LRRC4C: variants seen among roughly 807,000 people sequenced by gnomAD.
The protein encoded by LRRC4C is leucine rich repeat containing 4C, also known as leucine-rich repeat-containing protein 4C.
A neutral mutation model predicts 33.6 loss-of-function variants in LRRC4C; 5 were observed. That is an observed-to-expected ratio of 0.15 (90% CI 0.08 to 0.31). The LOEUF (loss-of-function observed/expected upper bound fraction) is 0.31, where lower values mean the gene tolerates loss of function less well. Among genes scored for constraint, LRRC4C ranks in the 10% least tolerant of loss-of-function variants. The pLI, the probability that LRRC4C is intolerant of heterozygous loss-of-function variation, is 1.00. For missense variants in LRRC4C, 560 were observed against 796.7 expected, an observed-to-expected ratio of 0.70 and a Z score of 3.58; for synonymous variants, 329 against 302.0, an observed-to-expected ratio of 1.09 and a Z score of -0.93.
intron 2 of LRRC4C, among the ~76,000 whole-genome samples, chr11:40,663,227 T>A (rs2136221734): frequency 6.6e-6 from 1 of 152,206 alleles, no homozygotes; most frequent in South Asian, 2.1e-4. Context: ...ATTACAGGCG[T>A]GCACCACCAT....
intron 1 of LRRC4C, among the ~76,000 whole-genome samples, chr11:41,364,131 C>T (rs967828800): frequency 6.6e-6 from 1 of 152,058 alleles, no homozygotes; most frequent in Admixed American, 6.6e-5. Context: ...ATGAGAGGTC[C>T]GTTACTTTGC....
chr11:40,531,518 G>C (rs1220102501), intron 3 of LRRC4C, among the ~76,000 whole-genome samples: 1 of 152,110 alleles, frequency 6.6e-6, no homozygotes, highest in Non-Finnish European at 1.5e-5. Context: ...AAAGTGAGAA[G>C]CAGTGGTGGA....
At chr11:40,543,455 G>C (rs951372350) in intron 3 of LRRC4C, among the ~76,000 whole-genome samples, 1 of 151,958 alleles carries the variant, frequency 6.6e-6, no homozygotes, top group African/African-American at 2.4e-5. Context: ...TCTTGTGTTT[G>C]CCTCCTCACA....
chr11:40,553,233 G>A (rs894406158), intron 3 of LRRC4C, among the ~76,000 whole-genome samples: 5 of 151,914 alleles, frequency 3.3e-5, no homozygotes, highest in African/African-American at 9.7e-5. Flanking sequence ...TATCGCGCCA[G>A]TGCACTCCAG....
chr11:40,794,068 A>G (rs1950728327), intron 2 of LRRC4C, among the ~76,000 whole-genome samples: 1 of 152,030 alleles, frequency 6.6e-6, no homozygotes, highest in Non-Finnish European at 1.5e-5. Flanking sequence ...GTGAAAAAAA[A>G]CTTTTTAAAA....
intron 1 of LRRC4C, among the ~76,000 whole-genome samples, chr11:41,340,410 T>C (rs1951592137): frequency 6.6e-6 from 1 of 152,220 alleles, no homozygotes; most frequent in African/African-American, 2.4e-5. Context: ...TAAGGCACCC[T>C]GAATCTCCAG....
chr11:41,201,564 G>A (rs924867917), intron 1 of LRRC4C, among the ~76,000 whole-genome samples: 4 of 152,094 alleles, frequency 2.6e-5, no homozygotes, highest in South Asian at 2.1e-4. Context: ...CCAAGCTACC[G>A]TTTTTCCTGA....
chr11:40,997,183 A>G (rs527615336), intron 1 of LRRC4C, among the ~76,000 whole-genome samples: 2 of 152,304 alleles, frequency 1.3e-5, no homozygotes, highest in African/African-American at 4.8e-5. Context: ...TGAACAAATC[A>G]ATAAATAAGA....
rs192847390 is a variant in LRRC4C, at chr11:40,382,341, C to T, written c.-269-62620G>A. ...TATTTAAAATTGTAATTATTGATGG[C>T]CTTTTCCTTTTTTTAAAAAAGTCAC... is the stretch of plus-strand genomic sequence containing the variant. On this transcript the variant is annotated intron_variant, in intron 3 of 6. Coordinates refer to ENST00000528697, the MANE Select transcript of LRRC4C (RefSeq NM_001258419.2). Among the ~76,000 whole-genome samples the T allele has an allele frequency of 2.0e-5, 3 of 151,182 alleles. No individual in the cohort carries two copies. In the East Asian group the frequency reaches 5.8e-4, roughly 29 times the overall value.
chr11:40,695,585 G>T (rs906905149), intron 2 of LRRC4C, among the ~76,000 whole-genome samples: 4 of 152,070 alleles, frequency 2.6e-5, no homozygotes, highest in Admixed American at 2.6e-4. Flanking sequence ...GTCTGAACTG[G>T]GTCTCAAGGG....
chr11:41,361,213 G>A (rs1421376518), intron 1 of LRRC4C, among the ~76,000 whole-genome samples: 4 of 152,132 alleles, frequency 2.6e-5, no homozygotes, highest in African/African-American at 4.8e-5. Flanking sequence ...TCACTGAATC[G>A]TGTTTGGAAA....
rs1952615439 is a variant in LRRC4C, at chr11:41,368,240, C to A, written c.-496+91191G>T. 4.6e-5 allele frequency among the ~76,000 whole-genome samples: 7 copies of A among 152,106 alleles called. No individual in the cohort carries two copies. In the South Asian group the frequency reaches 1.5e-3, roughly 32 times the overall value. On this transcript the variant is annotated intron_variant, in intron 1 of 6. Coordinates refer to ENST00000528697, the MANE Select transcript of LRRC4C (RefSeq NM_001258419.2). ...ACACTCCGATAAATTGCCAACCAAG[C>A]AGAATGAGATACACCCATTATTCTT...
Position 40,733,121 on chromosome 11 carries a change from G to T in LRRC4C, c.-406-84843C>A, listed in dbSNP as rs1947686652. Reference sequence around the variant, plus strand: ...GATGGAGTCTCACTCTGTCACCCAGGCTGGAGTAGCGTGGCGAGATCTCGG... The same window carrying T: ...GATGGAGTCTCACTCTGTCACCCAGTCTGGAGTAGCGTGGCGAGATCTCGG... On this transcript the variant is annotated intron_variant, in intron 2 of 6. Transcript: ENST00000528697. Among the ~76,000 whole-genome samples, 5 of 127,918 alleles carry T rather than the reference G, an allele frequency of 3.9e-5. No homozygotes were observed. In the South Asian group the frequency reaches 1.3e-3, roughly 33 times the overall value. 83.9% of individuals were successfully genotyped at this position (127,918 alleles called of 152,430 possible). A position where few individuals can be genotyped will look rare whatever the true frequency, so the allele number is the denominator to read the frequency against.
intron 1 of LRRC4C, among the ~76,000 whole-genome samples, chr11:41,110,391 T>C (rs542465483): frequency 6.6e-6 from 1 of 152,212 alleles, no homozygotes; most frequent in Admixed American, 6.6e-5. Context: ...TCACTATAGA[T>C]TTATATATTC....
At chr11:41,033,782 T>C (rs1856865825) in intron 1 of LRRC4C, among the ~76,000 whole-genome samples, 1 of 152,080 alleles carries the variant, frequency 6.6e-6, no homozygotes, top group African/African-American at 2.4e-5. Flanking sequence ...GTAAATACAA[T>C]ATTTGAAATA....
At chr11:41,209,734 G>A (rs1432046370) in intron 1 of LRRC4C, among the ~76,000 whole-genome samples, 1 of 152,054 alleles carries the variant, frequency 6.6e-6, no homozygotes, top group Non-Finnish European at 1.5e-5. Flanking sequence ...GTTGGGAGGG[G>A]GTGAATGTAT....
chr11:41,244,348 T>C (rs1329830271), intron 1 of LRRC4C, among the ~76,000 whole-genome samples: 3 of 152,146 alleles, frequency 2.0e-5, no homozygotes, highest in Admixed American at 6.5e-5. Context: ...ATGCAATATA[T>C]TTTATGTAAG....
intron 2 of LRRC4C, among the ~76,000 whole-genome samples, chr11:40,700,053 A>T (rs998375256): frequency 1.3e-5 from 2 of 152,124 alleles, no homozygotes; most frequent in African/African-American, 4.8e-5. Context: ...TTCAGCAAAC[A>T]TTCCCGGGTG....
intron 2 of LRRC4C, among the ~76,000 whole-genome samples, chr11:40,860,159 A>C (rs1417212514): frequency 6.6e-6 from 1 of 152,046 alleles, no homozygotes; most frequent in South Asian, 2.1e-4. Context: ...GCTAAATGAA[A>C]GAGGTCAAAC....
Sources: allele counts gnomAD v4.1 joint callset (sites outside exome capture counted in the v4.1 genomes callset), GRCh38; gene constraint gnomAD v4.1.1; transcripts MANE v1.5; gene names NCBI Gene and HGNC (gene_info 2026-07-23, HGNC 2026-07-21).